Variants in SIRPA observed in about 807,000 individuals in gnomAD.
SIRPA encodes signal regulatory protein alpha.
A neutral mutation model predicts 50.3 loss-of-function variants in SIRPA; 9 were observed. That is an observed-to-expected ratio of 0.18 (90% CI 0.11 to 0.31). The LOEUF is 0.31. Ranked by LOEUF, SIRPA falls within the 10% of genes least tolerant of loss-of-function variation. The pLI is 1.00. For synonymous variants in SIRPA, 265 were observed against 284.1 expected, an observed-to-expected ratio of 0.93 and a Z score of 0.68; for missense variants, 474 against 661.6, an observed-to-expected ratio of 0.72 and a Z score of 3.11.
In SIRPA at chr20:1,932,053, G is replaced by GATTCATTC. The variant is rs3831741; in HGVS notation, c.1227-2636_1227-2629dup. ...ATGGCACTTAAGAGCCAGTGAGAAA[G>GATTCATTC]ATTCATTCATTCATTCATTCATTCA... On this transcript the variant is annotated intron_variant, in intron 6 of 7. Transcript: ENST00000358771. The surrounding 1 kb of genome is among the most constrained non-coding windows in gnomAD (Gnocchi z 6.0). 7.2e-3 allele frequency among the ~76,000 whole-genome samples: 1,090 copies of GATTCATTC among 151,528 alleles called. 7 individuals carry two copies. The highest frequency in any genetic ancestry group is 0.019 in the African/African-American group (767 of 41,238).
intron 1 of SIRPA, 82 bp from the exon 2 acceptor site, chr20:1,915,017 A>T: frequency 8.8e-7 from 1 of 1,137,886 alleles, no homozygotes; most frequent in Non-Finnish European, 1.3e-6. Context: ...CATCCAGTCA[A>T]TGAACGTCAT....
rs1986564555 is a variant in SIRPA, at chr20:1,936,187, T to C, written c.1267-1133T>C. ...TTGGTGGTAGCTTTATTCTGTTCTA[T>C]CACGCAGGGGCCAGTCACAGAGGGA... On this transcript the variant is annotated intron_variant, in intron 7 of 7. Transcript: ENST00000358771. The surrounding 1 kb of genome is among the most constrained non-coding windows in gnomAD (Gnocchi z 4.2). Among the ~76,000 whole-genome samples, 1 of 152,114 alleles carries C rather than the reference T, an allele frequency of 6.6e-6. No homozygotes were observed. Among genetic ancestry groups the C allele is most frequent in the African/African-American group, 2.4e-5 (1 of 41,414 alleles).
rs774733781 is a variant in SIRPA, at chr20:1,937,118, G to T, written c.1267-202G>T. Among the ~76,000 whole-genome samples the T allele has an allele frequency of 1.3e-5, 2 of 152,100 alleles. No homozygotes were observed. Among genetic ancestry groups the T allele is most frequent in the African/African-American group, 2.4e-5 (1 of 41,366 alleles). ...GGGTCAGAAAGACCCTTCAGGCAGG[G>T]TGAGGAGGAGGGCAGATGGGAAGGG... On this transcript the variant is annotated intron_variant, in intron 7 of 7. Transcript: ENST00000358771. The surrounding 1 kb of genome is among the most constrained non-coding windows in gnomAD (Gnocchi z 8.3).
intron 2 of SIRPA, among the ~76,000 whole-genome samples, chr20:1,920,117 G>A (rs1455835982): frequency 6.6e-6 from 1 of 152,174 alleles, no homozygotes; most frequent in East Asian, 1.9e-4. Flanking sequence ...CCTAAAAGGG[G>A]CTCACACGAG....
rs950668881 is a variant in SIRPA at position 1,924,427 on chromosome 20, G to C, written c.1088-337G>C. 6.6e-6 allele frequency among the ~76,000 whole-genome samples: 1 copy of C among 152,172 alleles called. No homozygotes were observed. Among genetic ancestry groups the C allele is most frequent in the Non-Finnish European group, 1.5e-5 (1 of 68,038 alleles). ...TCCAGTGGATCTGGGGTGCCCTCAT[G>C]ACCGCTCTGTGGTTCACTCCAGATG... On this transcript the variant is annotated intron_variant, in intron 4 of 7. Coordinates refer to ENST00000358771, the MANE Select transcript of SIRPA (RefSeq NM_001040023.2). This position sits in a 1 kb window ranked among gnomAD's most constrained non-coding sequence, Gnocchi z 4.5.
chr20:1,906,619 T>G (rs1984564515), intron 1 of SIRPA, among the ~76,000 whole-genome samples: 1 of 152,130 alleles, frequency 6.6e-6, no homozygotes, highest in Non-Finnish European at 1.5e-5. Flanking sequence ...TGTAGGCCCC[T>G]GGGGCCACTG....
chr20:1,900,507 G>A (rs1984125628), intron 1 of SIRPA, among the ~76,000 whole-genome samples: 1 of 152,182 alleles, frequency 6.6e-6, no homozygotes, highest in Admixed American at 6.5e-5. Context: ...CTGCCTCTAG[G>A]TGTCTCTATC....
chr20:1,903,436 G>C (rs898774883), intron 1 of SIRPA, among the ~76,000 whole-genome samples: 3 of 152,346 alleles, frequency 2.0e-5, no homozygotes, highest in Non-Finnish European at 4.4e-5. Flanking sequence ...TTAGGTCCCT[G>C]AATGCTGCAG....
chr20:1,914,501 C>T (rs111797980), intron 1 of SIRPA, among the ~76,000 whole-genome samples: 61,060 of 150,526 alleles, frequency 0.41, 12,692 homozygotes, highest in East Asian at 0.66. Context: ...ACTTTGCTAG[C>T]CAGGCTCAGT....
chr20:1,917,018 C>T (rs1013040602), intron 2 of SIRPA, among the ~76,000 whole-genome samples: 17 of 152,194 alleles, frequency 1.1e-4, no homozygotes, highest in African/African-American at 3.9e-4. Context: ...TGATGCATCT[C>T]GTGCCTAGAC....
At chr20:1,909,041 G>A (rs1415479220) in intron 1 of SIRPA, among the ~76,000 whole-genome samples, 1 of 152,192 alleles carries the variant, frequency 6.6e-6, no homozygotes, top group Non-Finnish European at 1.5e-5. Flanking sequence ...ATGAGGAGCT[G>A]CTATAAGTGC....
intron 4 of SIRPA, among the ~76,000 whole-genome samples, 183 bp downstream of exon 4, chr20:1,922,828 G>A (rs1985749235): frequency 6.6e-6 from 1 of 152,188 alleles, no homozygotes; most frequent in South Asian, 2.1e-4. Flanking sequence ...CCACTGGTAA[G>A]AGTTTGATGC....
At chr20:1,929,461 G>C (rs1055381436) in intron 6 of SIRPA, among the ~76,000 whole-genome samples, 3 of 152,144 alleles carry the variant, frequency 2.0e-5, no homozygotes, top group Non-Finnish European at 2.9e-5. Context: ...GAGTTGGGGG[G>C]TGCAGGTGAT....
intron 1 of SIRPA, among the ~76,000 whole-genome samples, chr20:1,904,559 A>G (rs1984434597): frequency 6.6e-6 from 1 of 152,188 alleles, no homozygotes; most frequent in African/African-American, 2.4e-5. Flanking sequence ...GGGGGTGGCG[A>G]CAGCCCTGTC....
chr20:1,917,564 A>C (rs537279196), intron 2 of SIRPA, among the ~76,000 whole-genome samples: 1 of 152,282 alleles, frequency 6.6e-6, no homozygotes, highest in South Asian at 2.1e-4. Context: ...AACAAGTCCT[A>C]TGGGAGTAGG....
At chr20:1,905,344 C>T (rs1375943249) in intron 1 of SIRPA, among the ~76,000 whole-genome samples, 1 of 152,214 alleles carries the variant, frequency 6.6e-6, no homozygotes, top group Non-Finnish European at 1.5e-5. Context: ...GTGGCTCCAG[C>T]CTCCAGTGTT....
chr20:1,928,214 C>T lies in SIRPA; in HGVS notation c.1226+315C>T, dbSNP rs1452467616. The stretch of plus-strand genomic sequence containing the variant: ...TGTCCTCACAGACATCCTGCACACG[C>T]CACCGGATGCATCCTCCCAGATCCA... On this transcript the variant is annotated intron_variant, in intron 6 of 7. Coordinates refer to ENST00000358771, the MANE Select transcript of SIRPA (RefSeq NM_001040023.2). The surrounding 1 kb of genome is among the most constrained non-coding windows in gnomAD (Gnocchi z 4.9). 6.6e-6 allele frequency among the ~76,000 whole-genome samples: 1 copy of T among 152,190 alleles called. No homozygotes were observed. Among genetic ancestry groups the T allele is most frequent in the East Asian group, 1.9e-4 (1 of 5,190 alleles).
chr20:1,924,045 T>C lies in SIRPA; in HGVS notation c.1088-719T>C, dbSNP rs1189172315. Among the ~76,000 whole-genome samples the C allele has an allele frequency of 6.6e-6, 1 of 152,076 alleles. No homozygotes were observed. Among genetic ancestry groups the C allele is most frequent in the African/African-American group, 2.4e-5 (1 of 41,394 alleles). ...GGTTACATAATCCTTAGTTAGCCAA[T>C]GAGGTAGAGATGACTGTTGGCCCCA... On this transcript the variant is annotated intron_variant, in intron 4 of 7. Coordinates refer to ENST00000358771, the MANE Select transcript of SIRPA (RefSeq NM_001040023.2). The surrounding 1 kb of genome is among the most constrained non-coding windows in gnomAD (Gnocchi z 4.5).
chr20:1,911,754 G>T (rs1012226342), intron 1 of SIRPA, among the ~76,000 whole-genome samples: 1 of 152,088 alleles, frequency 6.6e-6, no homozygotes, highest in East Asian at 1.9e-4. Context: ...CAGTGCGTGG[G>T]AATGCCTGCC....
Sources: allele counts gnomAD v4.1 joint callset (sites outside exome capture counted in the v4.1 genomes callset), GRCh38; gene constraint gnomAD v4.1.1; non-coding constraint Gnocchi (gnomAD v3.1); transcripts MANE v1.5; gene names NCBI Gene and HGNC (gene_info 2026-07-23, HGNC 2026-07-21).